NRXN3: variants seen among roughly 807,000 people sequenced by gnomAD.
NRXN3 encodes the protein neurexin 3, also known as neurexin III.
A neutral mutation model predicts 137.6 loss-of-function variants in NRXN3; 32 were observed. The ratio of observed to expected loss-of-function variants is 0.23; its 90% CI spans 0.18 to 0.31. The LOEUF is 0.31. Ranked by LOEUF, NRXN3 falls within the 10% of genes least tolerant of loss-of-function variation. NRXN3 has a pLI of 1.00. For missense variants in NRXN3, 1,574 were observed against 2,062.5 expected (o/e 0.76, Z 4.59); for synonymous variants, 798 against 784.5 (o/e 1.02, Z -0.29).
At position 78,439,379 on chromosome 14, in the gene NRXN3, G is replaced by C. The variant is rs190428385; in HGVS notation, c.757+141519G>C. On this transcript the variant is annotated intron_variant, in intron 4 of 20. Coordinates refer to ENST00000335750, the MANE Select transcript of NRXN3 (RefSeq NM_001330195.2). ...GCATTGGTGAAGAACAAGGATAAAC[G>C]TGGTAATGTCTACAGCACATTGAGC... Among the ~76,000 whole-genome samples the C allele has an allele frequency of 3.9e-5, 6 of 152,316 alleles. No homozygotes were observed. The East Asian group carries it at 1.2e-3, about 29-fold the overall frequency.
intron 4 of NRXN3, among the ~76,000 whole-genome samples, chr14:78,328,430 A>G (rs1002640787): frequency 2.6e-5 from 4 of 152,184 alleles, no homozygotes; most frequent in African/African-American, 9.7e-5. Context: ...CCACAGCATC[A>G]TATTCAACTA....
At chr14:79,760,302 C>G (rs1359129601) in intron 19 of NRXN3, among the ~76,000 whole-genome samples, 1 of 151,430 alleles carries the variant, frequency 6.6e-6, no homozygotes, top group African/African-American at 2.4e-5. Flanking sequence ...TGGTAACTAA[C>G]TAAAAGAAGG....
At chr14:79,332,155 A>C (rs747425663) in intron 15 of NRXN3, among the ~76,000 whole-genome samples, 35 of 152,328 alleles carry the variant, frequency 2.3e-4, no homozygotes, top group Non-Finnish European at 4.3e-4. Context: ...AGGAGACCTT[A>C]ATTCTATTAG....
intron 10 of NRXN3, among the ~76,000 whole-genome samples, chr14:78,831,178 G>A (rs2098980591): frequency 6.6e-6 from 1 of 152,114 alleles, no homozygotes; most frequent in Admixed American, 6.6e-5. Flanking sequence ...TGTAGCCTAA[G>A]CTGGTGATAA....
At chr14:79,623,260 T>C (rs1444617851) in intron 16 of NRXN3, among the ~76,000 whole-genome samples, 1 of 152,174 alleles carries the variant, frequency 6.6e-6, no homozygotes, top group African/African-American at 2.4e-5. Context: ...TATGAACACA[T>C]GTTTACCCTC....
intron 4 of NRXN3, among the ~76,000 whole-genome samples, chr14:78,522,102 A>G (rs2096292014): frequency 1.3e-5 from 2 of 152,198 alleles, no homozygotes; most frequent in Non-Finnish European, 2.9e-5. Flanking sequence ...TTATTTTATC[A>G]CTAGAAAAGC....
chr14:79,037,827 G>C (rs1248963545), intron 15 of NRXN3, among the ~76,000 whole-genome samples: 2 of 152,042 alleles, frequency 1.3e-5, no homozygotes, highest in African/African-American at 4.8e-5. Context: ...CCTCTGTGTC[G>C]CTCGCTTATG....
chr14:78,295,411 A>G (rs2076214363), intron 3 of NRXN3, among the ~76,000 whole-genome samples: 1 of 152,214 alleles, frequency 6.6e-6, no homozygotes, highest in Non-Finnish European at 1.5e-5. Flanking sequence ...ATGTAGTTTA[A>G]TAAAACCTGA....
intron 10 of NRXN3, among the ~76,000 whole-genome samples, chr14:78,832,405 C>T (rs974604648): frequency 4.6e-5 from 7 of 152,160 alleles, no homozygotes; most frequent in African/African-American, 1.7e-4. Context: ...AATTACACAG[C>T]ATTCAGGTAT....
intron 6 of NRXN3, among the ~76,000 whole-genome samples, chr14:78,673,086 T>C (rs1209098949): frequency 6.6e-6 from 1 of 152,220 alleles, no homozygotes; most frequent in African/African-American, 2.4e-5. Flanking sequence ...TGGCATCAAA[T>C]GTAGTAGAAT....
intron 4 of NRXN3, among the ~76,000 whole-genome samples, chr14:78,347,647 A>G (rs1339083619): frequency 6.6e-6 from 1 of 152,160 alleles, no homozygotes; most frequent in African/African-American, 2.4e-5. Context: ...CTGTTGTGCC[A>G]CAAAACTCTC....
At chr14:78,585,830 C>G (rs935245513) in intron 4 of NRXN3, among the ~76,000 whole-genome samples, 18 of 152,096 alleles carry the variant, frequency 1.2e-4, no homozygotes, top group African/African-American at 4.1e-4. Flanking sequence ...CTAGGAGACA[C>G]TCTAGTAGAG....
intron 8 of NRXN3, among the ~76,000 whole-genome samples, chr14:78,786,579 G>A (rs1345502949): frequency 6.6e-6 from 1 of 152,062 alleles, no homozygotes; most frequent in Non-Finnish European, 1.5e-5. Context: ...TGTATGAGTT[G>A]TATGTAACGT....
intron 19 of NRXN3, among the ~76,000 whole-genome samples, chr14:79,775,779 A>G (rs2099095113): frequency 6.6e-6 from 1 of 152,158 alleles, no homozygotes; most frequent in Non-Finnish European, 1.5e-5. Context: ...GAGCTGAAGT[A>G]GAAAGGCTAT....
At chr14:78,730,077 C>G (rs1391579489) in intron 8 of NRXN3, among the ~76,000 whole-genome samples, 1 of 152,160 alleles carries the variant, frequency 6.6e-6, no homozygotes, top group African/African-American at 2.4e-5. Context: ...CTCCCCTAGG[C>G]TGGGGCCTAG....
intron 15 of NRXN3, among the ~76,000 whole-genome samples, chr14:79,216,597 G>A (rs892036299): frequency 6.6e-6 from 1 of 152,162 alleles, no homozygotes; most frequent in Admixed American, 6.5e-5. Flanking sequence ...TCATTGAGAA[G>A]TGTATTAGGC....
At chr14:79,308,294 T>G (rs972907651) in intron 15 of NRXN3, among the ~76,000 whole-genome samples, 1 of 152,150 alleles carries the variant, frequency 6.6e-6, no homozygotes, top group African/African-American at 2.4e-5. Flanking sequence ...ATTACTTATG[T>G]CATTTCTCCA....
At chr14:79,130,287 A>C (rs1050651671) in intron 15 of NRXN3, among the ~76,000 whole-genome samples, 8 of 151,534 alleles carry the variant, frequency 5.3e-5, no homozygotes, top group African/African-American at 1.2e-4. Flanking sequence ...TGGTCTTTAC[A>C]TTTTGGCATG....
chr14:79,665,222 T>C (rs1021568914), intron 17 of NRXN3, among the ~76,000 whole-genome samples: 1 of 152,118 alleles, frequency 6.6e-6, no homozygotes, highest in Non-Finnish European at 1.5e-5. Context: ...TAAGAGCATC[T>C]GGAAACAGCA....
Sources: gnomAD v4.1 joint callset for allele counts (sites outside exome capture counted in the v4.1 genomes callset) on GRCh38, gnomAD v4.1.1 for gene constraint, MANE v1.5 for transcripts, NCBI Gene and HGNC (gene_info 2026-07-23, HGNC 2026-07-21) for gene names.